Variants in SNX29 observed in about 807,000 individuals in gnomAD.
The protein encoded by SNX29 is sorting nexin 29.
In SNX29, 78 loss-of-function variants were observed where a neutral mutation model predicts 102.1. That is an observed-to-expected ratio of 0.76 (90% confidence interval 0.64 to 0.92). The LOEUF is 0.92. Ranked by LOEUF, SNX29 falls within the 40% of genes least tolerant of loss-of-function variation. The pLI is 0.00. For synonymous variants in SNX29, 580 were observed against 414.5 expected (o/e 1.40, Z -4.85); for missense variants, 1,280 against 1,061.7 (o/e 1.21, Z -2.86).
At chr16:12,548,526 T>C (rs183651215) in intron 20 of SNX29, among the ~76,000 whole-genome samples, 1 of 152,276 alleles carries the variant, frequency 6.6e-6, no homozygotes, top group East Asian at 1.9e-4. Context: ...GCTTTGAGGG[T>C]GCAGCCTTCT....
At chr16:12,169,644 G>A (rs1261919977) in intron 13 of SNX29, among the ~76,000 whole-genome samples, 3 of 152,202 alleles carry the variant, frequency 2.0e-5, no homozygotes, top group Admixed American at 2.0e-4. Flanking sequence ...TGGATCACCT[G>A]AGGTCAGTAG....
At chr16:12,126,537 C>G in intron 11 of SNX29, 96 bp from the exon 12 acceptor site, 1 of 1,269,894 alleles carries the variant, frequency 7.9e-7, no homozygotes, top group Non-Finnish European at 1.1e-6. Flanking sequence ...CTTATCTAGA[C>G]AAGTCATCCT....
chr16:12,156,245 C>T (rs2055544916), intron 13 of SNX29, among the ~76,000 whole-genome samples: 1 of 152,212 alleles, frequency 6.6e-6, no homozygotes, highest in South Asian at 2.1e-4. Flanking sequence ...GCGATCTTGG[C>T]TCACTGCAAC....
intron 4 of SNX29, among the ~76,000 whole-genome samples, chr16:12,031,611 C>G (rs1264545438): frequency 1.3e-5 from 2 of 151,512 alleles, no homozygotes; most frequent in African/African-American, 4.8e-5. Context: ...TCGAGACCAT[C>G]CTAGCTAACA....
chr16:11,980,172 C>A (rs1486430681), intron 1 of SNX29, among the ~76,000 whole-genome samples: 2 of 152,084 alleles, frequency 1.3e-5, no homozygotes, highest in African/African-American at 4.8e-5. Flanking sequence ...ATTCATCTTT[C>A]CCCCTCCCCT....
At position 12,303,788 on chromosome 16, in the gene SNX29, C is replaced by T. The variant is rs184867805; in HGVS notation, c.1782+25752C>T. On this transcript the variant is annotated intron_variant, in intron 15 of 20. Transcript: ENST00000566228. ...TTTGTAATTTAAAAAATTAGATGTT[C>T]TGGAAGCATTGGGCTGATGATTTCC... Among the ~76,000 whole-genome samples the T allele has an allele frequency of 8.1e-4, 123 of 152,312 alleles. 3 individuals are homozygous for T. The highest frequency in any genetic ancestry group is 1.1e-3 in the Non-Finnish European group (76 of 68,032).
At chr16:12,269,576 C>T (rs1369916288) in intron 14 of SNX29, among the ~76,000 whole-genome samples, 1 of 152,144 alleles carries the variant, frequency 6.6e-6, no homozygotes, top group Admixed American at 6.5e-5. Context: ...CTTCTGTCTT[C>T]TTGGATTCCA....
rs573384675 is a variant in SNX29 at position 12,418,376 on chromosome 16, T to A, written c.2037+14847T>A. 1.8e-4 allele frequency among the ~76,000 whole-genome samples: 26 copies of A among 148,376 alleles called. No homozygotes were observed. In the East Asian group the frequency reaches 3.7e-3, roughly 21 times the overall value. ...TTGACGATGAGGATTGTATTTATTT[T>A]TTTTTTGCTAGAAAGCTGTTTTTCT... On this transcript the variant is annotated intron_variant, in intron 18 of 20. Coordinates refer to ENST00000566228, the MANE Select transcript of SNX29 (RefSeq NM_032167.5).
intron 18 of SNX29, among the ~76,000 whole-genome samples, chr16:12,405,871 T>TA (rs1321109238): frequency 6.6e-6 from 1 of 151,970 alleles, no homozygotes; most frequent in Non-Finnish European, 1.5e-5. Flanking sequence ...CCATCTCTAC[T>TA]AAAAATACAA....
chr16:12,508,079 T>A (rs1047713674), intron 19 of SNX29, among the ~76,000 whole-genome samples: 1 of 152,370 alleles, frequency 6.6e-6, no homozygotes, highest in East Asian at 1.9e-4. Context: ...GTTTCAGTGT[T>A]CTTACCTGTA....
chr16:12,030,446 G>A (rs2057306462), intron 4 of SNX29, among the ~76,000 whole-genome samples: 2 of 152,176 alleles, frequency 1.3e-5, no homozygotes. Flanking sequence ...CCCCTGGACA[G>A]CTCTTGGGCT....
intron 15 of SNX29, among the ~76,000 whole-genome samples, chr16:12,302,908 G>C (rs993892484): frequency 2.4e-4 from 37 of 152,290 alleles, no homozygotes; most frequent in Admixed American, 2.3e-3. Context: ...TTCTGGGCTC[G>C]TGTTAGTGAG....
At chr16:12,369,378 G>T (rs545802900) in intron 16 of SNX29, among the ~76,000 whole-genome samples, 1 of 151,694 alleles carries the variant, frequency 6.6e-6, no homozygotes, top group South Asian at 2.1e-4. Context: ...TCAAGTGATC[G>T]ACCCACCTTG....
At position 12,572,456 on chromosome 16, in the gene SNX29, A is replaced by AT; in HGVS notation, c.*3831dup. 9.4e-7 allele frequency: 1 copy of AT among 1,063,362 alleles called. No individual in the cohort carries two copies. The highest frequency in any genetic ancestry group is 1.1e-6 in the Non-Finnish European group (1 of 878,078). The allele number at this position is 1,063,362 out of a possible 1,614,324, so 65.9% of individuals were successfully genotyped here. On this transcript the variant is annotated 3_prime_UTR_variant, in exon 21 of 21. Coordinates refer to ENST00000566228, the MANE Select transcript of SNX29 (RefSeq NM_032167.5). Reference sequence around the variant, plus strand: ...TGCCTCTCTTGGTTCTGCATGGTACATTTTGCCAACCCTGAGGACCAGTTC... The same window carrying AT: ...TGCCTCTCTTGGTTCTGCATGGTACATTTTTGCCAACCCTGAGGACCAGTTC...
intron 7 of SNX29, among the ~76,000 whole-genome samples, chr16:12,050,990 G>A (rs1340980679): frequency 6.6e-6 from 1 of 152,006 alleles, no homozygotes; most frequent in Non-Finnish European, 1.5e-5. Flanking sequence ...CAAAGTGCTG[G>A]GATTATAGGC....
intron 4 of SNX29, among the ~76,000 whole-genome samples, chr16:12,040,801 G>A (rs2049850982): frequency 6.6e-6 from 1 of 152,170 alleles, no homozygotes; most frequent in Non-Finnish European, 1.5e-5. Flanking sequence ...ATATAAATAT[G>A]TATGCATATA....
intron 20 of SNX29, among the ~76,000 whole-genome samples, chr16:12,538,569 T>G (rs2077181844): frequency 6.6e-6 from 1 of 152,182 alleles, no homozygotes; most frequent in Non-Finnish European, 1.5e-5. Context: ...TGGTCTTAGC[T>G]GAGCTGGCTT....
intron 20 of SNX29, among the ~76,000 whole-genome samples, chr16:12,547,773 T>G (rs967980087): frequency 6.6e-6 from 1 of 152,180 alleles, no homozygotes; most frequent in Non-Finnish European, 1.5e-5. Context: ...CTGCTCACAC[T>G]TGCCTGGCTA....
chr16:12,544,988 C>G (rs1008113660), intron 20 of SNX29, among the ~76,000 whole-genome samples: 1 of 152,182 alleles, frequency 6.6e-6, no homozygotes, highest in Admixed American at 6.5e-5. Context: ...GTAACTTGTC[C>G]TAGGTGGCAC....
Sources: gnomAD v4.1 joint callset for allele counts (sites outside exome capture counted in the v4.1 genomes callset) on GRCh38, gnomAD v4.1.1 for gene constraint, MANE v1.5 for transcripts, NCBI Gene and HGNC (gene_info 2026-07-23, HGNC 2026-07-21) for gene names.